CYP7A1: variants seen among roughly 807,000 people sequenced by gnomAD.
The protein encoded by CYP7A1 is cytochrome P450 family 7 subfamily A member 1.
CYP7A1 carries 28 observed loss-of-function variants against 43.8 expected under a neutral mutation model. The observed-to-expected ratio is 0.64, with a 90% CI of 0.47 to 0.88. The LOEUF is 0.88. Ranked by LOEUF, CYP7A1 falls within the 40% of genes least tolerant of loss-of-function variation. The probability of loss-of-function intolerance (pLI) is 0.00; values close to 1 mark genes in which losing one functional copy is unlikely to be tolerated. For synonymous variants in CYP7A1, 227 were observed against 222.5 expected, an observed-to-expected ratio of 1.02 and a Z score of -0.18; for missense variants, 637 against 611.9, an observed-to-expected ratio of 1.04 and a Z score of -0.43.
intron 1 of CYP7A1, 136 bp from the exon 2 acceptor site, chr8:58,498,605 G>A: frequency 1.1e-6 from 1 of 884,432 alleles, no homozygotes; most frequent in Non-Finnish European, 1.8e-6. Flanking sequence ...TGTTGGATGG[G>A]CCCTGCTCTT....
rs1464005837 is a variant in CYP7A1, at chr8:58,496,996, A to C, written c.516T>G (p.Tyr172Ter). 1.2e-6 allele frequency: 2 copies of C among 1,613,814 alleles called. No individual in the cohort carries two copies. The highest frequency in any genetic ancestry group is 2.7e-5 in the African/African-American group (2 of 74,938). ...CAAACATCACTCGGTAGCAGAAAGAATACATCCCTTCTGTCACCCAGGCAG... is the reference window on the plus strand; with the variant it reads ...CAAACATCACTCGGTAGCAGAAAGACTACATCCCTTCTGTCACCCAGGCAG... ...KTAAWVTEGM[Y>*]SFCYRVMFEA... The change falls in exon 3 of 6, where the codon TAT becomes TAG. Residue 172 changes from tyrosine to a stop codon, truncating the protein, a stop_gained. Coordinates refer to ENST00000301645, the MANE Select transcript of CYP7A1 (RefSeq NM_000780.4). LOFTEE classifies it high-confidence loss of function.
At chr8:58,499,605 A>G (rs1480861561) in intron 1 of CYP7A1, among the ~76,000 whole-genome samples, 5 of 152,200 alleles carry the variant, frequency 3.3e-5, no homozygotes, top group African/African-American at 1.2e-4. Context: ...TTAAAAGAGA[A>G]CATTTATTTA....
intron 3 of CYP7A1, among the ~76,000 whole-genome samples, chr8:58,495,211 T>C (rs1033619882): frequency 1.6e-5 from 1 of 63,802 alleles, no homozygotes; most frequent in Non-Finnish European, 3.0e-5. Context: ...GGCTTTTATT[T>C]TATTTTTATT....
At chr8:58,498,130 C>T (rs1457890920) in intron 2 of CYP7A1, 99 bp downstream of exon 2, 5 of 1,385,466 alleles carry the variant, frequency 3.6e-6, no homozygotes, top group Non-Finnish European at 5.0e-6. Flanking sequence ...TCTTCAACAC[C>T]TTTATCATAA....
rs931133038 is a variant in CYP7A1, at chr8:58,492,249, T to C, written c.1215+104A>G. ...TTAACACAATTAAGCAGACAATTCC[T>C]GTGACTACAATGATAAAATCAATTC... On this transcript the variant is annotated intron_variant, in intron 5 of 5. Coordinates refer to ENST00000301645, the MANE Select transcript of CYP7A1 (RefSeq NM_000780.4). 5 of 1,068,188 alleles carry C rather than the reference T, an allele frequency of 4.7e-6. No individual in the cohort carries two copies. In the African/African-American group the frequency reaches 7.8e-5, roughly 17 times the overall value. 66.2% of individuals were successfully genotyped at this position (1,068,188 alleles called of 1,614,324 possible). A position where few individuals can be genotyped will look rare whatever the true frequency, so the allele number is the denominator to read the frequency against.
rs570611819 is a variant in CYP7A1, at chr8:58,493,164, T to C, written c.1040-636A>G. 2.0e-4 allele frequency among the ~76,000 whole-genome samples: 30 copies of C among 152,330 alleles called. 1 individual carries two copies. The highest frequency in any genetic ancestry group is 3.4e-3 in the Middle Eastern group (1 of 294). On this transcript the variant is annotated intron_variant, in intron 4 of 5. Transcript: ENST00000301645. ...ATAATTGGGAAACAAAATTCCATCA[T>C]TTTATAGAAGAGTAATGTAATAAAA...
intron 1 of CYP7A1, 44 bp from the exon 2 acceptor site, chr8:58,498,513 T>G (rs765283240): frequency 6.2e-7 from 1 of 1,612,506 alleles, no homozygotes; most frequent in South Asian, 1.1e-5. Flanking sequence ...ATTACAGTTT[T>G]GGGTTTTTAC....
rs745519772 is a variant in CYP7A1 at position 58,500,067 on chromosome 8, G to A, written c.32C>T (p.Ala11Val). 1 of 1,613,028 alleles carries A rather than the reference G, an allele frequency of 6.2e-7. No homozygotes were observed. The highest frequency in any genetic ancestry group is 8.5e-7 in the Non-Finnish European group (1 of 1,179,174). Residue 11 changes from alanine to valine, a missense_variant, in exon 1 of 6, where the codon GCT (alanine) becomes GTT (valine). Ala to Val is a moderately conservative substitution (Grantham distance 64, BLOSUM62 0). Coordinates refer to ENST00000301645, the MANE Select transcript of CYP7A1 (RefSeq NM_000780.4). Reference sequence around the variant, plus strand: ...CCATAGACAACAGCATGCTGCTATAGCAATCCCCCAAATCAAAGATGTGGT... The same window carrying A: ...CCATAGACAACAGCATGCTGCTATAACAATCCCCCAAATCAAAGATGTGGT... MMTTSLIWGI[A>V]IAACCCLWLI...
intron 3 of CYP7A1, among the ~76,000 whole-genome samples, chr8:58,494,952 G>A (rs1809415783): frequency 6.6e-6 from 1 of 151,898 alleles, no homozygotes; most frequent in Non-Finnish European, 1.5e-5. Flanking sequence ...TGACCAACAT[G>A]GCGAAACCCT....
chr8:58,496,813 A>C lies in CYP7A1; in HGVS notation c.699T>G (p.Asn233Lys). 6.2e-7 allele frequency: 1 copy of C among 1,614,160 alleles called. No individual in the cohort carries two copies. Among genetic ancestry groups the C allele is most frequent in the Non-Finnish European group, 8.5e-7 (1 of 1,180,028 alleles). The change falls in exon 3 of 6, where the codon AAT (asparagine) becomes AAG (lysine). Residue 233 changes from asparagine (N) to lysine (K), a missense_variant. Transcript: ENST00000301645. ...LPIHMFRTAHNAREKLAESLR... is the reference protein window; with the variant it reads ...LPIHMFRTAHKAREKLAESLR... ...AGCTCTCTGCCAGTTTCTCCCGGGC[A>C]TTGTGCGCAGTCCTGAACATGTGAA...
chr8:58,494,746 A>G, intron 3 of CYP7A1, 110 bp from the exon 4 acceptor site: 1 of 1,009,650 alleles, frequency 9.9e-7, no homozygotes, highest in Non-Finnish European at 1.5e-6. Context: ...GATGGTGAAG[A>G]TACCAGGGGA....
intron 4 of CYP7A1, among the ~76,000 whole-genome samples, chr8:58,493,803 C>G (rs1037188931): frequency 1.3e-5 from 2 of 152,080 alleles, no homozygotes; most frequent in Non-Finnish European, 2.9e-5. Flanking sequence ...AGTTCGAGAC[C>G]AGTCTGGACA....
chr8:58,493,578 G>T (rs1435782636), intron 4 of CYP7A1, among the ~76,000 whole-genome samples: 2 of 152,154 alleles, frequency 1.3e-5, no homozygotes, highest in Non-Finnish European at 2.9e-5. Flanking sequence ...TTACAGATAA[G>T]AAAAGTAAGG....
intron 5 of CYP7A1, 93 bp downstream of exon 5, chr8:58,492,260 T>C: frequency 1.8e-6 from 2 of 1,135,836 alleles, no homozygotes; most frequent in Non-Finnish European, 2.7e-6. Flanking sequence ...GTGACTACAA[T>C]GATAAAATCA....
intron 1 of CYP7A1, among the ~76,000 whole-genome samples, chr8:58,499,156 A>G (rs1809493203): frequency 1.3e-5 from 2 of 152,244 alleles, no homozygotes; most frequent in South Asian, 2.1e-4. Context: ...TCTTGATAGA[A>G]TAATACAGTA....
chr8:58,495,265 G>A (rs1021385384), intron 3 of CYP7A1, among the ~76,000 whole-genome samples: 5 of 59,748 alleles, frequency 8.4e-5, no homozygotes, highest in African/African-American at 1.6e-4. Flanking sequence ...TTGCTCTGTC[G>A]CCCAGGCTGG....
Position 58,500,081 on chromosome 8 carries a change from C to A in CYP7A1, c.18G>T (p.Leu6Phe). Residue 6 changes from leucine (L) to phenylalanine (F), a missense_variant, in exon 1 of 6, where the codon TTG (leucine) becomes TTT (phenylalanine). Physicochemically the swap from Leu to Phe is conservative, Grantham distance 22 (BLOSUM62 0). Transcript: ENST00000301645. Reference protein sequence around the residue: MMTTSLIWGIAIAACC... With the variant: MMTTSFIWGIAIAACC... ...ATGCTGCTATAGCAATCCCCCAAAT[C>A]AAAGATGTGGTCATCATTTTGCAAA... 1 of 1,612,850 alleles carries A rather than the reference C, an allele frequency of 6.2e-7. No individual in the cohort carries two copies. The highest frequency in any genetic ancestry group is 1.1e-5 in the South Asian group (1 of 91,032).
At position 58,500,013 on chromosome 8, in the gene CYP7A1, ACTTAC is replaced by A. The variant is rs769167524; in HGVS notation, c.80+1_80+5del. 53 of 1,604,444 alleles carry A rather than the reference ACTTAC, an allele frequency of 3.3e-5. No individual in the cohort carries two copies. The highest frequency in any genetic ancestry group is 4.1e-5 in the Non-Finnish European group (48 of 1,171,620). The stretch of plus-strand genomic sequence containing the variant: ...AAGAGCAATTTAAAGATAAAACATT[ACTTAC>A]CTTCTCCTAATTCCAAGAATAAGCC... On this transcript the variant is annotated splice_donor_variant and splice_donor_5th_base_variant and intron_variant, in intron 1 of 5. Coordinates refer to ENST00000301645, the MANE Select transcript of CYP7A1 (RefSeq NM_000780.4). LOFTEE classifies it high-confidence loss of function.
chr8:58,497,807 A>G (rs1173326165), intron 2 of CYP7A1, among the ~76,000 whole-genome samples: 2 of 152,248 alleles, frequency 1.3e-5, no homozygotes, highest in Non-Finnish European at 2.9e-5. Flanking sequence ...TTACATCTAA[A>G]TGATGTTAAA....
Sources: gnomAD v4.1 joint callset for allele counts (sites outside exome capture counted in the v4.1 genomes callset) on GRCh38, gnomAD v4.1.1 for gene constraint, MANE v1.5 for transcripts, NCBI Gene and HGNC (gene_info 2026-07-23, HGNC 2026-07-21) for gene names.